FYB2: variants seen among roughly 807,000 people sequenced by gnomAD.
FYB2 encodes FYN-binding protein 2.
A neutral mutation model predicts 94.1 loss-of-function variants in FYB2; 103 were observed. The observed-to-expected ratio is 1.09, with a 90% CI of 0.93 to 1.29. FYB2 has a LOEUF of 1.29. FYB2 is among the 50% of genes most tolerant of loss of function. The probability of loss-of-function intolerance (pLI) is 0.00; values close to 1 mark genes in which losing one functional copy is unlikely to be tolerated. For missense variants in FYB2, 896 were observed against 841.5 expected (o/e 1.06, Z -0.80); for synonymous variants, 293 against 287.9 (o/e 1.02, Z -0.18).
intron 1 of FYB2, among the ~76,000 whole-genome samples, chr1:56,802,224 T>C (rs1376349409): frequency 6.6e-6 from 1 of 152,202 alleles, no homozygotes; most frequent in Non-Finnish European, 1.5e-5. Context: ...TATCTTATCA[T>C]AACTACTTAC....
intron 1 of FYB2, among the ~76,000 whole-genome samples, chr1:56,818,561 T>A (rs1328066298): frequency 6.7e-6 from 1 of 149,144 alleles, no homozygotes; most frequent in Non-Finnish European, 1.5e-5. Flanking sequence ...GAGTGGAGAA[T>A]TGGAGAAGGA....
chr1:56,777,720 C>T (rs1315513827), intron 4 of FYB2, among the ~76,000 whole-genome samples: 1 of 152,112 alleles, frequency 6.6e-6, no homozygotes, highest in African/African-American at 2.4e-5. Context: ...TTCTTGAACA[C>T]ATGAGGCTGT....
At chr1:56,728,725 C>G (rs955801629) in intron 15 of FYB2, among the ~76,000 whole-genome samples, 2 of 152,030 alleles carry the variant, frequency 1.3e-5, no homozygotes, top group African/African-American at 4.8e-5. Flanking sequence ...ACTTTAAAAC[C>G]CCTACCATCA....
chr1:56,794,033 C>T (rs1163983355), intron 1 of FYB2, among the ~76,000 whole-genome samples: 1 of 152,200 alleles, frequency 6.6e-6, no homozygotes, highest in Non-Finnish European at 1.5e-5. Flanking sequence ...ATGTCCATTA[C>T]AGTGCCTGAC....
At chr1:56,743,829 G>A (rs1459715322) in intron 11 of FYB2, among the ~76,000 whole-genome samples, 197 bp downstream of exon 11, 3 of 152,004 alleles carry the variant, frequency 2.0e-5, no homozygotes, top group African/African-American at 4.8e-5. Flanking sequence ...GCATCTTCAT[G>A]TTCCTGATTC....
chr1:56,739,372 C>T (rs1401182937), intron 13 of FYB2, among the ~76,000 whole-genome samples: 1 of 151,984 alleles, frequency 6.6e-6, no homozygotes, highest in Non-Finnish European at 1.5e-5. Context: ...CCTCTTCTTC[C>T]ATATCAGGAC....
chr1:56,817,205 C>T (rs1646903747), intron 1 of FYB2, among the ~76,000 whole-genome samples: 2 of 152,216 alleles, frequency 1.3e-5, no homozygotes, highest in Admixed American at 6.5e-5. Flanking sequence ...TCTGACCCCA[C>T]TCTCTGAACA....
intron 1 of FYB2, among the ~76,000 whole-genome samples, chr1:56,809,506 A>T (rs1341476353): frequency 6.6e-6 from 1 of 152,144 alleles, no homozygotes; most frequent in African/African-American, 2.4e-5. Flanking sequence ...GAATGCCTCC[A>T]TGCTTTTGCA....
At chr1:56,809,631 C>A (rs1389030737) in intron 1 of FYB2, among the ~76,000 whole-genome samples, 1 of 152,208 alleles carries the variant, frequency 6.6e-6, no homozygotes, top group Non-Finnish European at 1.5e-5. Flanking sequence ...ATCAGGGATG[C>A]AGTGAGGGGT....
At chr1:56,776,680 G>A (rs1205455461) in intron 4 of FYB2, among the ~76,000 whole-genome samples, 4 of 152,064 alleles carry the variant, frequency 2.6e-5, no homozygotes, top group African/African-American at 7.2e-5. Context: ...TTATTTTACG[G>A]AGAGGGAAGT....
chr1:56,815,779 A>C (rs371751427), intron 1 of FYB2, among the ~76,000 whole-genome samples: 7 of 152,318 alleles, frequency 4.6e-5, no homozygotes, highest in South Asian at 4.1e-4. Flanking sequence ...TACTTCAACT[A>C]CAACTCCAAT....
intron 17 of FYB2, among the ~76,000 whole-genome samples, chr1:56,722,986 A>G (rs1294974513): frequency 1.3e-5 from 2 of 152,034 alleles, no homozygotes; most frequent in Non-Finnish European, 2.9e-5. Flanking sequence ...AATAATGAAA[A>G]AATGTCCCAT....
intron 2 of FYB2, among the ~76,000 whole-genome samples, chr1:56,789,471 T>G (rs567072437): frequency 6.6e-6 from 1 of 152,332 alleles, no homozygotes; most frequent in Non-Finnish European, 1.5e-5. Context: ...CCATTCTCCG[T>G]ATTTGATTTA....
rs143549549 is a variant in FYB2, at chr1:56,784,622, C to T, written c.953+2553G>A. On this transcript the variant is annotated intron_variant, in intron 4 of 19. Transcript: ENST00000343433. ...TCCAACCTCATCTCTTAATTTTATA[C>T]ATTAGAATATTTTTTGTCTGTGTAT... Among the ~76,000 whole-genome samples the T allele has an allele frequency of 5.9e-5, 9 of 152,286 alleles. 1 individual carries two copies. In the South Asian group the frequency reaches 8.3e-4, roughly 14 times the overall value.
intron 2 of FYB2, 60 bp downstream of exon 2, chr1:56,791,996 A>C: frequency 3.3e-6 from 5 of 1,511,634 alleles, no homozygotes; most frequent in Non-Finnish European, 4.4e-6. Flanking sequence ...ACAGGTTTTC[A>C]AGTAGAAAAA....
At chr1:56,722,552 C>A (rs574974888) in intron 17 of FYB2, among the ~76,000 whole-genome samples, 1 of 151,932 alleles carries the variant, frequency 6.6e-6, no homozygotes, top group Admixed American at 6.6e-5. Flanking sequence ...GATAAATGAA[C>A]GAGCTAGTCA....
rs147459999 is a variant in FYB2, at chr1:56,803,299, G to A, written c.10-10496C>T. On this transcript the variant is annotated intron_variant, in intron 1 of 19. Coordinates refer to ENST00000343433, the MANE Select transcript of FYB2 (RefSeq NM_001004303.5). ...AATTGTCTCATGTTGGTTCAGGCAG[G>A]CTTTTGAAACCAAAAATGTTATGAA... 1.7e-3 allele frequency among the ~76,000 whole-genome samples: 256 copies of A among 152,248 alleles called. 1 individual carries two copies. Among genetic ancestry groups the A allele is most frequent in the African/African-American group, 5.9e-3 (244 of 41,554 alleles).
intron 19 of FYB2, 79 bp downstream of exon 19, chr1:56,719,943 A>G: frequency 7.3e-7 from 1 of 1,375,686 alleles, no homozygotes. Flanking sequence ...CAATAAATTC[A>G]GTAGTCTTCT....
intron 1 of FYB2, among the ~76,000 whole-genome samples, chr1:56,817,287 T>C (rs1248351153): frequency 6.6e-6 from 1 of 152,228 alleles, no homozygotes; most frequent in Middle Eastern, 3.2e-3. Context: ...CGTTTATATC[T>C]GCTGTTACTT....
Sources: gnomAD v4.1 joint callset for allele counts (sites outside exome capture counted in the v4.1 genomes callset) on GRCh38, gnomAD v4.1.1 for gene constraint, MANE v1.5 for transcripts, NCBI Gene and HGNC (gene_info 2026-07-23, HGNC 2026-07-21) for gene names.